CAMTA1: variants seen among roughly 807,000 people sequenced by gnomAD.
CAMTA1 encodes the protein calmodulin-binding transcription activator 1.
Under a neutral mutation model 170.9 loss-of-function variants are expected in CAMTA1, and 27 were observed. The observed-to-expected ratio is 0.16, with a 90% CI of 0.12 to 0.22. The LOEUF (loss-of-function observed/expected upper bound fraction) is 0.22, where lower values mean the gene tolerates loss of function less well. Among genes scored for constraint, CAMTA1 ranks in the 10% least tolerant of loss-of-function variants. CAMTA1 has a pLI of 1.00. For synonymous variants in CAMTA1, 833 were observed against 891.5 expected, an observed-to-expected ratio of 0.93 and a Z score of 1.17; for missense variants, 1,619 against 2,217.2, an observed-to-expected ratio of 0.73 and a Z score of 5.42.
intron 6 of CAMTA1, among the ~76,000 whole-genome samples, chr1:7,516,459 G>A (rs191482895): frequency 1.4e-3 from 220 of 152,312 alleles, no homozygotes; most frequent in African/African-American, 4.2e-3. Flanking sequence ...GTGCACACAC[G>A]CCCCTCTGCT....
chr1:7,526,934 GC>G (rs2094438351), intron 6 of CAMTA1, among the ~76,000 whole-genome samples: 2 of 152,222 alleles, frequency 1.3e-5, no homozygotes, highest in Non-Finnish European at 2.9e-5. Flanking sequence ...TCCTTGCCCA[GC>G]TGCTGGGGCC....
At chr1:7,055,503 C>T (rs1372921459) in intron 3 of CAMTA1, among the ~76,000 whole-genome samples, 1 of 152,232 alleles carries the variant, frequency 6.6e-6, no homozygotes, top group Non-Finnish European at 1.5e-5. Flanking sequence ...ACTCCCTGAA[C>T]TCTAACACAC....
Position 7,223,978 on chromosome 1 carries a change from A to T in CAMTA1, c.303-25513A>T, listed in dbSNP as rs1661255583. Among the ~76,000 whole-genome samples, 5 of 152,184 alleles carry T rather than the reference A, an allele frequency of 3.3e-5. 1 individual carries two copies. The stretch of plus-strand genomic sequence containing the variant: ...CAGTTGTTAGAGGGCGGGGTGGAAG[A>T]TTGCTGAATAACTCGATCACCCCAG... On this transcript the variant is annotated intron_variant, in intron 4 of 22. Coordinates refer to ENST00000303635, the MANE Select transcript of CAMTA1 (RefSeq NM_015215.4).
Position 7,665,439 on chromosome 1 carries a change from T to C in CAMTA1, c.2652+240T>C, listed in dbSNP as rs1022089332. On this transcript the variant is annotated intron_variant, in intron 9 of 22. Transcript: ENST00000303635. The surrounding 1 kb of genome is among the most constrained non-coding windows in gnomAD (Gnocchi z 4.3). Reference sequence around the variant, plus strand: ...TAAAGTCAGGGGGTCTTTGGCCGGGTGCCATGGCTCAAACCTGTAATCCCA... The same window carrying C: ...TAAAGTCAGGGGGTCTTTGGCCGGGCGCCATGGCTCAAACCTGTAATCCCA... Among the ~76,000 whole-genome samples the C allele has an allele frequency of 1.3e-5, 2 of 152,064 alleles. No homozygotes were observed. The highest frequency in any genetic ancestry group is 4.8e-5 in the African/African-American group (2 of 41,388).
chr1:6,926,438 C>CTCTTTCTTTCTTTT (rs1683154992), intron 3 of CAMTA1, among the ~76,000 whole-genome samples: 1 of 126,088 alleles, frequency 7.9e-6, no homozygotes. Flanking sequence ...TCTTTCTTTT[C>CTCTTTCTTTCTTTT]TCTTTCTTTC....
chr1:7,709,471 A>G (rs572249176), intron 11 of CAMTA1, among the ~76,000 whole-genome samples: 1 of 150,868 alleles, frequency 6.6e-6, no homozygotes, highest in Admixed American at 6.6e-5. Flanking sequence ...AGGTCAGTTC[A>G]AGGAGGAGTG....
chr1:7,442,997 T>C (rs2092586403), intron 5 of CAMTA1, among the ~76,000 whole-genome samples: 1 of 151,738 alleles, frequency 6.6e-6, no homozygotes, highest in Admixed American at 6.6e-5. Context: ...GGATGTCCTT[T>C]CCATCCCTGT....
intron 3 of CAMTA1, among the ~76,000 whole-genome samples, chr1:6,921,611 G>A (rs1682027836): frequency 6.6e-6 from 1 of 152,104 alleles, no homozygotes; most frequent in Non-Finnish European, 1.5e-5. Context: ...CCCAAGACTG[G>A]GCAATTTACG....
chr1:7,736,288 T>C lies in CAMTA1; in HGVS notation c.3067-56T>C. On this transcript the variant is annotated intron_variant, in intron 12 of 22. Coordinates refer to ENST00000303635, the MANE Select transcript of CAMTA1 (RefSeq NM_015215.4). This position sits in a 1 kb window ranked among gnomAD's most constrained non-coding sequence, Gnocchi z 4.5. ...ATTTGTTTCCCCTACATCGAAGCGC[T>C]GATGGGGTCGAGGGCCTTTAGTCCT... The C allele has an allele frequency of 6.8e-7, 1 of 1,475,832 alleles. No homozygotes were observed. Among genetic ancestry groups the C allele is most frequent in the Non-Finnish European group, 9.4e-7 (1 of 1,066,948 alleles). The allele number at this position is 1,475,832 out of a possible 1,614,324, so 91.4% of individuals were successfully genotyped here.
intron 6 of CAMTA1, among the ~76,000 whole-genome samples, chr1:7,620,646 T>C (rs528961732): frequency 6.6e-6 from 1 of 152,146 alleles, no homozygotes; most frequent in African/African-American, 2.4e-5. Context: ...CCACCATGTC[T>C]GTATCCGCCC....
chr1:7,629,029 C>T (rs187507984), intron 6 of CAMTA1, among the ~76,000 whole-genome samples: 2 of 152,310 alleles, frequency 1.3e-5, no homozygotes, highest in East Asian at 3.9e-4. Flanking sequence ...TTCCCTGTGC[C>T]CCTGCGAAAG....
intron 11 of CAMTA1, chr1:7,698,180 G>A (rs1444926617): frequency 6.6e-6 from 1 of 151,882 alleles, no homozygotes; most frequent in East Asian, 1.9e-4. Flanking sequence ...CTCTAGTCCA[G>A]GGTGTCCAAT....
At chr1:7,697,273 G>A (rs1231261344) in intron 11 of CAMTA1, among the ~76,000 whole-genome samples, 1 of 119,390 alleles carries the variant, frequency 8.4e-6, no homozygotes, top group Non-Finnish European at 1.8e-5. Flanking sequence ...CACCCACCAG[G>A]CCCTGGGCTA....
Position 7,224,370 on chromosome 1 carries a change from G to C in CAMTA1, c.303-25121G>C, listed in dbSNP as rs551505315. ...TGCAGGCTCTCGTCCCAGTTGGCAA[G>C]GGCGCCACAGCTGGATGGCTCAGCG... On this transcript the variant is annotated intron_variant, in intron 4 of 22. Coordinates refer to ENST00000303635, the MANE Select transcript of CAMTA1 (RefSeq NM_015215.4). This position sits in a 1 kb window ranked among gnomAD's most constrained non-coding sequence, Gnocchi z 5.2. Among the ~76,000 whole-genome samples, 537 of 152,302 alleles carry C rather than the reference G, an allele frequency of 3.5e-3. No homozygotes were observed. The highest frequency in any genetic ancestry group is 0.013 in the African/African-American group (523 of 41,564).
In CAMTA1 at chr1:7,442,252, C is replaced by T. The variant is rs1471110020; in HGVS notation, c.439-25578C>T. Among the ~76,000 whole-genome samples, 8 of 152,162 alleles carry T rather than the reference C, an allele frequency of 5.3e-5. No individual in the cohort carries two copies. The East Asian group carries it at 5.8e-4, about 11-fold the overall frequency. On this transcript the variant is annotated intron_variant, in intron 5 of 22. Transcript: ENST00000303635. ...AACTACTGTCATTCATTAATCTGAG[C>T]GGGATTATAAATAAGAGATGGCAGA...
At chr1:7,669,128 C>T (rs2096030947) in intron 9 of CAMTA1, among the ~76,000 whole-genome samples, 1 of 152,212 alleles carries the variant, frequency 6.6e-6, no homozygotes, top group African/African-American at 2.4e-5. Flanking sequence ...CCTGAGGACA[C>T]ACAGCTACTG....
chr1:7,109,720 G>A (rs1342056999), intron 4 of CAMTA1, among the ~76,000 whole-genome samples: 3 of 152,164 alleles, frequency 2.0e-5, no homozygotes, highest in Non-Finnish European at 4.4e-5. Context: ...CAGTAAAAAC[G>A]GGCAGATGAA....
chr1:7,195,044 C>T lies in CAMTA1; in HGVS notation c.303-54447C>T, dbSNP rs1038561357. On this transcript the variant is annotated intron_variant, in intron 4 of 22. Coordinates refer to ENST00000303635, the MANE Select transcript of CAMTA1 (RefSeq NM_015215.4). The surrounding 1 kb of genome is among the most constrained non-coding windows in gnomAD (Gnocchi z 4.1). The stretch of plus-strand genomic sequence containing the variant: ...ACTTCTCAGAGTAGGAAGATGTCTG[C>T]TGGCTAGGTAGAAGGTTTCTGGTTT... Among the ~76,000 whole-genome samples, 4 of 152,172 alleles carry T rather than the reference C, an allele frequency of 2.6e-5. No homozygotes were observed. Among genetic ancestry groups the T allele is most frequent in the East Asian group, 1.9e-4 (1 of 5,192 alleles).
At chr1:7,103,914 TCACA>T (rs1221857282) in intron 4 of CAMTA1, among the ~76,000 whole-genome samples, 2 of 86,314 alleles carry the variant, frequency 2.3e-5, no homozygotes, top group Non-Finnish European at 2.4e-5. Flanking sequence ...ACACGCGCAC[TCACA>T]CATACACACA....
Sources: allele counts gnomAD v4.1 joint callset (sites outside exome capture counted in the v4.1 genomes callset), GRCh38; gene constraint gnomAD v4.1.1; non-coding constraint Gnocchi (gnomAD v3.1); transcripts MANE v1.5; gene names NCBI Gene and HGNC (gene_info 2026-07-23, HGNC 2026-07-21).